The following MAPRE2 variants were observed in gnomAD, a reference collection of about 807,000 sequenced individuals.
MAPRE2 encodes microtubule associated protein RP/EB family member 2, also known as microtubule-associated protein RP/EB family member 2.
MAPRE2 carries 13 observed loss-of-function variants against 43.2 expected under a neutral mutation model. That is an observed-to-expected ratio of 0.30 (90% CI 0.20 to 0.48). The LOEUF (loss-of-function observed/expected upper bound fraction) is 0.48. MAPRE2 is among the 20% of genes least tolerant of loss of function. MAPRE2 has a pLI of 0.99. For missense variants in MAPRE2, 161 were observed against 400.2 expected (o/e 0.40, Z 5.10); for synonymous variants, 135 against 148.8 (o/e 0.91, Z 0.68).
At chr18:35,017,551 CTTTTGTT>C (rs985297803) in intron 2 of MAPRE2, among the ~76,000 whole-genome samples, 21 of 125,120 alleles carry the variant, frequency 1.7e-4, no homozygotes, top group South Asian at 1.1e-3. Context: ...TAGGTTTTTT[CTTTTGTT>C]TTTTGTTTTT....
chr18:35,130,157 G>A (rs576005397), intron 5 of MAPRE2, among the ~76,000 whole-genome samples: 1 of 151,972 alleles, frequency 6.6e-6, no homozygotes, highest in Non-Finnish European at 1.5e-5. Flanking sequence ...GGCTGGGGGG[G>A]GGTGGCACAT....
At chr18:35,000,106 G>A (rs897357377) in intron 1 of MAPRE2, among the ~76,000 whole-genome samples, 2 of 152,136 alleles carry the variant, frequency 1.3e-5, no homozygotes, top group African/African-American at 4.8e-5. Context: ...ACAACTGAAG[G>A]GATTCAATAT....
chr18:34,981,445 T>C (rs566676950), intron 1 of MAPRE2, among the ~76,000 whole-genome samples: 28 of 152,142 alleles, frequency 1.8e-4, no homozygotes, highest in Non-Finnish European at 2.8e-4. Flanking sequence ...GAGTATGATA[T>C]ATACCTAGCT....
At chr18:35,090,472 G>T (rs779012381) in intron 2 of MAPRE2, among the ~76,000 whole-genome samples, 6 of 152,006 alleles carry the variant, frequency 3.9e-5, no homozygotes, top group Non-Finnish European at 1.5e-5. Flanking sequence ...TGGCTCACGC[G>T]TGTAATCCCA....
chr18:34,999,104 C>G (rs949252007), intron 1 of MAPRE2, among the ~76,000 whole-genome samples: 1 of 152,140 alleles, frequency 6.6e-6, no homozygotes, highest in African/African-American at 2.4e-5. Context: ...TGAAACCTCT[C>G]TCTGTGCTAC....
At position 35,081,507 on chromosome 18, in the gene MAPRE2, C is replaced by T. The variant is rs192353800; in HGVS notation, c.250+11185C>T. Among the ~76,000 whole-genome samples the T allele has an allele frequency of 1.8e-3, 268 of 152,326 alleles. 7 individuals are homozygous for T. In the East Asian group the frequency reaches 0.046, roughly 26 times the overall value. ...TGCCACACCTGGCCTTCTGGGCTTT[C>T]TCTGGACGGGACTCTTTTCAGGGAG... On this transcript the variant is annotated intron_variant, in intron 2 of 6. Coordinates refer to ENST00000300249, the MANE Select transcript of MAPRE2 (RefSeq NM_014268.4).
At chr18:35,031,542 T>A (rs936902115) in intron 2 of MAPRE2, among the ~76,000 whole-genome samples, 4 of 152,238 alleles carry the variant, frequency 2.6e-5, no homozygotes, top group African/African-American at 9.6e-5. Flanking sequence ...GAAATCATAA[T>A]GCTCTGAGTA....
At chr18:35,114,036 G>A (rs1909298316) in intron 4 of MAPRE2, among the ~76,000 whole-genome samples, 1 of 152,176 alleles carries the variant, frequency 6.6e-6, no homozygotes, top group East Asian at 1.9e-4. Flanking sequence ...CCACTTTAAA[G>A]TTGAGGAAAC....
rs892262153 is a variant in MAPRE2 at position 35,034,921 on chromosome 18, A to C, written c.-8+29368A>C. Reference sequence around the variant, plus strand: ...ACTTTTACCCTGTTGGTGGGACTGTAAACTAGTTCAACCATTGTGGAAGTC... The same window carrying C: ...ACTTTTACCCTGTTGGTGGGACTGTCAACTAGTTCAACCATTGTGGAAGTC... On this transcript the variant is annotated intron_variant, in intron 2 of 7. Transcript: ENST00000413393. Among the ~76,000 whole-genome samples the C allele has an allele frequency of 6.4e-3, 971 of 152,036 alleles. 47 individuals carry two copies. The highest frequency in any genetic ancestry group is 0.053 in the Admixed American group (809 of 15,274).
In MAPRE2 at chr18:35,007,027, G is replaced by A. The variant is rs954147037; in HGVS notation, c.-8+1474G>A. Among the ~76,000 whole-genome samples the A allele has an allele frequency of 2.0e-5, 3 of 152,268 alleles. No homozygotes were observed. The East Asian group carries it at 5.8e-4, about 29-fold the overall frequency. Reference sequence around the variant, plus strand: ...TGTTCCAACAGCTGGAATATTCAGGGGCCAGAGCAGGCTCTAGGACAGAGT... The same window carrying A: ...TGTTCCAACAGCTGGAATATTCAGGAGCCAGAGCAGGCTCTAGGACAGAGT... On this transcript the variant is annotated intron_variant, in intron 2 of 7. Coordinates refer to the MAPRE2 transcript ENST00000413393.
chr18:35,076,812 G>C (rs1031665805), intron 2 of MAPRE2, among the ~76,000 whole-genome samples: 1 of 152,130 alleles, frequency 6.6e-6, no homozygotes, highest in African/African-American at 2.4e-5. Flanking sequence ...CCACTTCTTT[G>C]GGAGGAATGC....
chr18:35,123,009 C>CATCAGGGAG (rs1196571689), intron 4 of MAPRE2, among the ~76,000 whole-genome samples: 1 of 152,236 alleles, frequency 6.6e-6, no homozygotes, highest in Non-Finnish European at 1.5e-5. Context: ...TCAGTAACTG[C>CATCAGGGAG]AGCAGCTGTG....
chr18:34,982,822 G>GT (rs1479096467), intron 1 of MAPRE2, among the ~76,000 whole-genome samples: 3 of 152,120 alleles, frequency 2.0e-5, no homozygotes, highest in African/African-American at 7.2e-5. Flanking sequence ...CCCATTGCTT[G>GT]TTTTGTATGA....
At chr18:35,049,205 T>G (rs1308586606) in intron 1 of MAPRE2, among the ~76,000 whole-genome samples, 1 of 152,170 alleles carries the variant, frequency 6.6e-6, no homozygotes, top group Non-Finnish European at 1.5e-5. Context: ...TATACTTTGA[T>G]TATAAACAGT....
intron 1 of MAPRE2, among the ~76,000 whole-genome samples, chr18:34,992,744 A>G (rs1397945367): frequency 2.6e-5 from 4 of 152,228 alleles, no homozygotes; most frequent in Non-Finnish European, 5.9e-5. Context: ...AGATGCAGTG[A>G]TAAGTTTAAA....
chr18:35,086,391 A>T (rs922545256), intron 2 of MAPRE2, among the ~76,000 whole-genome samples: 12 of 151,946 alleles, frequency 7.9e-5, no homozygotes, highest in African/African-American at 2.9e-4. Context: ...TGAAATTCTT[A>T]TGAGTGTATA....
At chr18:35,097,313 A>G in intron 2 of MAPRE2, 133 bp from the exon 3 acceptor site, 1 of 757,110 alleles carries the variant, frequency 1.3e-6, no homozygotes. Context: ...ATATAAGCGC[A>G]TTGGTAAGAA....
intron 1 of MAPRE2, among the ~76,000 whole-genome samples, chr18:35,057,507 C>CGTGCGTGTGTGTGTGT (rs369602242): frequency 6.7e-6 from 1 of 149,408 alleles, no homozygotes; most frequent in Admixed American, 6.7e-5. Flanking sequence ...GGAGTGTGTG[C>CGTGCGTGTGTGTGTGT]GTGTGTGTGT....
intron 1 of MAPRE2, among the ~76,000 whole-genome samples, chr18:34,986,604 AT>A (rs1252270552): frequency 1.3e-5 from 2 of 152,168 alleles, no homozygotes; most frequent in Admixed American, 6.6e-5. Flanking sequence ...GCTTCCACAA[AT>A]TAGCAGCAGT....
Sources: allele counts gnomAD v4.1 joint callset (sites outside exome capture counted in the v4.1 genomes callset), GRCh38; gene constraint gnomAD v4.1.1; transcripts MANE v1.5; gene names NCBI Gene and HGNC (gene_info 2026-07-23, HGNC 2026-07-21).